Variants in SLC35F2 observed in about 807,000 individuals in gnomAD.
SLC35F2 encodes the protein solute carrier family 35 member F2, also known as queuine/queuosine transporter SLC35F2.
A neutral mutation model predicts 38.1 loss-of-function variants in SLC35F2; 25 were observed. The ratio of observed to expected loss-of-function variants is 0.66; its 90% CI spans 0.48 to 0.92. The LOEUF (loss-of-function observed/expected upper bound fraction) is 0.92. SLC35F2 is among the 40% of genes least tolerant of loss of function. The pLI, the probability that SLC35F2 is intolerant of heterozygous loss-of-function variation, is 0.00. For synonymous variants in SLC35F2, 173 were observed against 181.7 expected (o/e 0.95, Z 0.38); for missense variants, 409 against 452.9 (o/e 0.90, Z 0.88).
chr11:107,804,323 G>C (rs569866303), intron 6 of SLC35F2, among the ~76,000 whole-genome samples: 3 of 152,006 alleles, frequency 2.0e-5, no homozygotes, highest in Admixed American at 6.6e-5. Flanking sequence ...CAGATGACAG[G>C]AGCAATGGGA....
chr11:107,795,165 AT>A (rs1425201421), intron 7 of SLC35F2, among the ~76,000 whole-genome samples: 1 of 152,196 alleles, frequency 6.6e-6, no homozygotes. Context: ...TATCAATGTT[AT>A]TTTTCACATA....
At chr11:107,829,914 G>A (rs1435102537) in intron 1 of SLC35F2, among the ~76,000 whole-genome samples, 3 of 151,950 alleles carry the variant, frequency 2.0e-5, no homozygotes, top group Non-Finnish European at 4.4e-5. Context: ...TTTTCACTTC[G>A]TATGGCTACT....
rs777420425 is a variant in SLC35F2 at position 107,803,164 on chromosome 11, A to T, written c.785-9T>A. The T allele has an allele frequency of 2.1e-5, 34 of 1,592,124 alleles. No individual in the cohort carries two copies. The highest frequency in any genetic ancestry group is 2.8e-5 in the Non-Finnish European group (33 of 1,172,820). On this transcript the variant is annotated splice_polypyrimidine_tract_variant and intron_variant, in intron 6 of 7. Transcript: ENST00000525815. ...TGCCACGAACAGCAGGGCTGTGGAA[A>T]AAAACATGGAATATCTAATATTAGG...
At chr11:107,821,573 T>G (rs1308678590) in intron 1 of SLC35F2, 5 of 985,356 alleles carry the variant, frequency 5.1e-6, no homozygotes, top group African/African-American at 3.5e-5. Context: ...TCCACTTTCA[T>G]GTTTGTATAA....
chr11:107,796,809 C>T (rs1335196003), intron 7 of SLC35F2, among the ~76,000 whole-genome samples: 1 of 152,138 alleles, frequency 6.6e-6, no homozygotes, highest in Non-Finnish European at 1.5e-5. Context: ...GCTGGGACTA[C>T]AGGTGTGCAC....
intron 1 of SLC35F2, among the ~76,000 whole-genome samples, chr11:107,833,652 T>C (rs1859885823): frequency 6.6e-6 from 1 of 152,068 alleles, no homozygotes; most frequent in Non-Finnish European, 1.5e-5. Context: ...TGTTCCCTCC[T>C]ACATGACTCT....
At chr11:107,825,102 T>C (rs1445638093) in intron 1 of SLC35F2, among the ~76,000 whole-genome samples, 2 of 152,256 alleles carry the variant, frequency 1.3e-5, no homozygotes, top group East Asian at 1.9e-4. Context: ...ACCACAACGA[T>C]GGAAATGTTT....
chr11:107,830,746 T>TATATCAAC (rs1291554437), intron 1 of SLC35F2, among the ~76,000 whole-genome samples: 1 of 152,210 alleles, frequency 6.6e-6, no homozygotes, highest in East Asian at 1.9e-4. Context: ...CAGCTCTAAT[T>TATATCAAC]ATATCAACCA....
chr11:107,852,589 G>C (rs1565443402), intron 1 of SLC35F2, among the ~76,000 whole-genome samples: 1 of 151,596 alleles, frequency 6.6e-6, no homozygotes, highest in Non-Finnish European at 1.5e-5. Flanking sequence ...AATTAAACTG[G>C]CTGGGCGCAG....
chr11:107,811,869 G>T, intron 2 of SLC35F2, 75 bp from the exon 3 acceptor site: 1 of 1,318,622 alleles, frequency 7.6e-7, no homozygotes, highest in East Asian at 2.4e-5. Context: ...AGATAAAAGA[G>T]TAGAAGCAAG....
intron 2 of SLC35F2, among the ~76,000 whole-genome samples, chr11:107,813,917 G>T (rs73546814): frequency 0.082 from 12,518 of 152,128 alleles, 1,445 homozygotes; most frequent in African/African-American, 0.26. Context: ...CTCCCACCTT[G>T]ACCTCCCTAA....
chr11:107,849,442 C>G (rs1254947060), intron 1 of SLC35F2, among the ~76,000 whole-genome samples: 1 of 151,964 alleles, frequency 6.6e-6, no homozygotes, highest in Non-Finnish European at 1.5e-5. Context: ...AGTTTGAGAC[C>G]AGCCTGGCCA....
chr11:107,856,743 G>C (rs1348910869), intron 1 of SLC35F2, among the ~76,000 whole-genome samples: 1 of 147,542 alleles, frequency 6.8e-6, no homozygotes, highest in East Asian at 2.1e-4. Context: ...AGGGAGGGAG[G>C]GAGAGAAAAG....
At chr11:107,799,500 T>C (rs1859271233) in intron 7 of SLC35F2, among the ~76,000 whole-genome samples, 1 of 152,192 alleles carries the variant, frequency 6.6e-6, no homozygotes, top group Non-Finnish European at 1.5e-5. Context: ...AGGCTGACAT[T>C]GTAGTCTATG....
In SLC35F2 at chr11:107,792,589, G is replaced by A; in HGVS notation, c.*26C>T. ...CAGCAGGCTCTGCTTTATCCTGGTG[G>A]GGGATGGGTGCGCCATCTTCTCCAG... is the stretch of plus-strand genomic sequence containing the variant. On this transcript the variant is annotated 3_prime_UTR_variant, in exon 8 of 8. Coordinates refer to ENST00000525815, the MANE Select transcript of SLC35F2 (RefSeq NM_017515.5). The A allele has an allele frequency of 5.1e-6, 8 of 1,577,850 alleles. No individual in the cohort carries two copies. The highest frequency in any genetic ancestry group is 6.9e-6 in the Non-Finnish European group (8 of 1,163,514).
chr11:107,840,909 C>T (rs471838), intron 1 of SLC35F2, among the ~76,000 whole-genome samples: 1 of 152,110 alleles, frequency 6.6e-6, no homozygotes, highest in South Asian at 2.1e-4. Context: ...TCGTGGAGAC[C>T]TGGCCCAGTG....
intron 7 of SLC35F2, among the ~76,000 whole-genome samples, chr11:107,793,958 T>C (rs904053480): frequency 6.6e-6 from 1 of 152,128 alleles, no homozygotes; most frequent in Non-Finnish European, 1.5e-5. Context: ...TCATTGGGTA[T>C]ATATATGGAA....
chr11:107,854,809 G>T (rs1205214589), intron 1 of SLC35F2, among the ~76,000 whole-genome samples: 2 of 152,082 alleles, frequency 1.3e-5, no homozygotes. Flanking sequence ...TGCCCAAAAA[G>T]CCTCTTCTTG....
chr11:107,856,415 C>T (rs1030203358), intron 1 of SLC35F2, among the ~76,000 whole-genome samples: 8 of 152,114 alleles, frequency 5.3e-5, no homozygotes, highest in East Asian at 2.0e-4. Flanking sequence ...GGAGCACAGG[C>T]TGGGCGCGGT....
Sources: gnomAD v4.1 joint callset for allele counts (sites outside exome capture counted in the v4.1 genomes callset) on GRCh38, gnomAD v4.1.1 for gene constraint, MANE v1.5 for transcripts, NCBI Gene and HGNC (gene_info 2026-07-23, HGNC 2026-07-21) for gene names.